Variants in CHN1 observed in about 807,000 individuals in gnomAD.
CHN1 encodes the protein N-chimaerin.
In CHN1, 37 loss-of-function variants were observed where a neutral mutation model predicts 59.5. The ratio of observed to expected loss-of-function variants is 0.62; its 90% CI spans 0.48 to 0.82. The LOEUF is 0.82. CHN1 is among the 40% of genes least tolerant of loss of function. The pLI is 0.00. For missense variants in CHN1, 469 were observed against 571.0 expected (o/e 0.82, Z 1.82); for synonymous variants, 206 against 200.4 (o/e 1.03, Z -0.24).
intron 6 of CHN1, among the ~76,000 whole-genome samples, chr2:174,874,651 C>T (rs943690865): frequency 1.3e-5 from 2 of 152,072 alleles, no homozygotes; most frequent in Admixed American, 1.3e-4. Flanking sequence ...GAATTCTCAT[C>T]TTTCTATTTT....
intron 1 of CHN1, among the ~76,000 whole-genome samples, chr2:174,977,148 C>T (rs1175035534): frequency 6.6e-6 from 1 of 152,142 alleles, no homozygotes; most frequent in South Asian, 2.1e-4. Flanking sequence ...CAAAACAAAC[C>T]CGCCTGTCTC....
chr2:174,822,988 T>C (rs1158453417), intron 8 of CHN1, among the ~76,000 whole-genome samples: 1 of 152,238 alleles, frequency 6.6e-6, no homozygotes, highest in Non-Finnish European at 1.5e-5. Context: ...ATTTTAGTGA[T>C]ACTAAGGGAA....
At chr2:174,813,624 CT>C (rs1685147366) in intron 8 of CHN1, among the ~76,000 whole-genome samples, 1 of 152,180 alleles carries the variant, frequency 6.6e-6, no homozygotes, top group South Asian at 2.1e-4. Flanking sequence ...TTAAATTAGA[CT>C]GCAGAGTAAA....
At chr2:174,897,678 C>G (rs148280795) in intron 5 of CHN1, among the ~76,000 whole-genome samples, 1 of 151,990 alleles carries the variant, frequency 6.6e-6, no homozygotes, top group East Asian at 1.9e-4. Context: ...TGAAAACAAG[C>G]AAACTCATAA....
At chr2:174,945,696 A>C (rs972908806) in intron 2 of CHN1, among the ~76,000 whole-genome samples, 1 of 152,032 alleles carries the variant, frequency 6.6e-6, no homozygotes, top group African/African-American at 2.4e-5. Flanking sequence ...CTACATATAT[A>C]ATCACATATA....
intron 7 of CHN1, among the ~76,000 whole-genome samples, chr2:174,840,103 T>C (rs1369317482): frequency 1.3e-5 from 2 of 151,378 alleles, no homozygotes; most frequent in African/African-American, 2.4e-5. Context: ...GGCATTATTA[T>C]ACATATGTGG....
intron 6 of CHN1, among the ~76,000 whole-genome samples, chr2:174,854,150 TAA>T (rs1467463293): frequency 4.6e-5 from 7 of 152,170 alleles, no homozygotes; most frequent in East Asian, 1.9e-4. Context: ...CATTTTACAA[TAA>T]AGTGTTTAAA....
intron 8 of CHN1, among the ~76,000 whole-genome samples, chr2:174,816,817 G>GA (rs1353143353): frequency 6.6e-6 from 1 of 152,130 alleles, no homozygotes; most frequent in Admixed American, 6.5e-5. Flanking sequence ...CAACGTTTTA[G>GA]AAGCATGAAA....
At chr2:174,844,321 A>G (rs947393337) in intron 7 of CHN1, among the ~76,000 whole-genome samples, 1 of 152,176 alleles carries the variant, frequency 6.6e-6, no homozygotes, top group Non-Finnish European at 1.5e-5. Context: ...AGTTAGGTCC[A>G]GTTGGTTTAT....
rs551031571 is a variant in CHN1, at chr2:174,923,285, C to T, written c.115-4720G>A. Among the ~76,000 whole-genome samples the T allele has an allele frequency of 1.4e-4, 22 of 152,152 alleles. No individual in the cohort carries two copies. In the South Asian group the frequency reaches 2.5e-3, roughly 17 times the overall value. ...CCTCCTGAGTAGCTGGGACTACAGG[C>T]GCCCGCCACCATGCCTGGCTAATTT... is the stretch of plus-strand genomic sequence containing the variant. On this transcript the variant is annotated intron_variant, in intron 3 of 12. Coordinates refer to ENST00000409900, the MANE Select transcript of CHN1 (RefSeq NM_001822.7).
intron 1 of CHN1, among the ~76,000 whole-genome samples, chr2:174,958,554 G>A (rs1690292482): frequency 6.6e-6 from 1 of 152,156 alleles, no homozygotes; most frequent in Non-Finnish European, 1.5e-5. Context: ...AGAAAGAAAG[G>A]CTAATTCTCA....
At chr2:174,833,313 CA>C (rs1210976072) in intron 7 of CHN1, among the ~76,000 whole-genome samples, 2 of 152,096 alleles carry the variant, frequency 1.3e-5, no homozygotes, top group Non-Finnish European at 2.9e-5. Context: ...TCTTCATTCC[CA>C]ATAATATTCC....
At chr2:175,002,611 G>A (rs1323182119) in intron 1 of CHN1, among the ~76,000 whole-genome samples, 1 of 152,116 alleles carries the variant, frequency 6.6e-6, no homozygotes, top group Non-Finnish European at 1.5e-5. Flanking sequence ...AAAACACAAA[G>A]CAAATAACTA....
chr2:174,928,162 A>C (rs1416300946), intron 3 of CHN1, among the ~76,000 whole-genome samples: 1 of 152,170 alleles, frequency 6.6e-6, no homozygotes, highest in Non-Finnish European at 1.5e-5. Context: ...AATTTCTTAT[A>C]CTATAAAGTA....
chr2:174,863,072 C>T (rs1470457873), intron 6 of CHN1, among the ~76,000 whole-genome samples: 1 of 152,138 alleles, frequency 6.6e-6, no homozygotes, highest in East Asian at 1.9e-4. Flanking sequence ...GTATCTGCCA[C>T]CCTAAACTTG....
intron 7 of CHN1, among the ~76,000 whole-genome samples, chr2:174,826,746 C>A (rs1370239125): frequency 1.3e-5 from 2 of 152,122 alleles, no homozygotes; most frequent in Non-Finnish European, 2.9e-5. Flanking sequence ...TTTCAAAAAG[C>A]CTGGGATATT....
At chr2:174,921,209 T>C (rs1432138905) in intron 3 of CHN1, among the ~76,000 whole-genome samples, 1 of 152,230 alleles carries the variant, frequency 6.6e-6, no homozygotes, top group African/African-American at 2.4e-5. Context: ...ACCTAATCTA[T>C]AGCATACCCT....
At chr2:174,844,412 T>C (rs1458236653) in intron 7 of CHN1, among the ~76,000 whole-genome samples, 1 of 152,190 alleles carries the variant, frequency 6.6e-6, no homozygotes, top group African/African-American at 2.4e-5. Context: ...GTTTGACAGC[T>C]GTTCGATTCC....
intron 3 of CHN1, among the ~76,000 whole-genome samples, chr2:174,941,590 CTCTAAG>C (rs1184389548): frequency 1.3e-4 from 20 of 152,098 alleles, no homozygotes; most frequent in Non-Finnish European, 2.8e-4. Flanking sequence ...GTTAAGACTT[CTCTAAG>C]TCTGTTTTTA....
Sources: gnomAD v4.1 joint callset for allele counts (sites outside exome capture counted in the v4.1 genomes callset) on GRCh38, gnomAD v4.1.1 for gene constraint, MANE v1.5 for transcripts, NCBI Gene and HGNC (gene_info 2026-07-23, HGNC 2026-07-21) for gene names.